The following GLI2 variants were observed in gnomAD, a reference collection of about 807,000 sequenced individuals.
The protein encoded by GLI2 is GLI family zinc finger 2.
Under a neutral mutation model 78.9 loss-of-function variants are expected in GLI2, and 22 were observed. The ratio of observed to expected loss-of-function variants is 0.28; its 90% confidence interval spans 0.20 to 0.40. GLI2 has a LOEUF of 0.40. Ranked by LOEUF, GLI2 falls within the 10% of genes least tolerant of loss-of-function variation. The pLI, the probability that GLI2 is intolerant of heterozygous loss-of-function variation, is 1.00. For synonymous variants in GLI2, 974 were observed against 963.7 expected (o/e 1.01, Z -0.20); for missense variants, 2,097 against 2,213.2 (o/e 0.95, Z 1.05).
rs533950098 is a variant in GLI2, at chr2:120,896,090, A to G, written c.149-31271A>G. ...GTTGTGATTCATCAAGCCAACAGTT[A>G]GAACTGTCATAGTTTTCCTGTCCCT... is the stretch of plus-strand genomic sequence containing the variant. On this transcript the variant is annotated intron_variant, in intron 2 of 13. Coordinates refer to ENST00000361492, the MANE Select transcript of GLI2 (RefSeq NM_001374353.1). Among the ~76,000 whole-genome samples, 7 of 152,362 alleles carry G rather than the reference A, an allele frequency of 4.6e-5. No individual in the cohort carries two copies. The East Asian group carries it at 1.3e-3, about 29-fold the overall frequency.
chr2:120,934,131 G>A (rs983179773), intron 3 of GLI2, among the ~76,000 whole-genome samples: 2 of 152,170 alleles, frequency 1.3e-5, no homozygotes, highest in African/African-American at 2.4e-5. Context: ...TGCAGGCGCC[G>A]CTGCTTGCTT....
At chr2:120,819,014 C>T (rs59379991) in intron 2 of GLI2, among the ~76,000 whole-genome samples, 4 of 151,982 alleles carry the variant, frequency 2.6e-5, no homozygotes, top group Non-Finnish European at 4.4e-5. Context: ...AGAATCCAGA[C>T]GCACTGAATA....
intron 1 of GLI2, among the ~76,000 whole-genome samples, chr2:120,790,128 C>T (rs948302513): frequency 2.6e-5 from 4 of 152,172 alleles, no homozygotes; most frequent in African/African-American, 4.8e-5. Context: ...TTCGGAAGAG[C>T]GATTTCTTTT....
intron 5 of GLI2, among the ~76,000 whole-genome samples, chr2:120,967,726 C>T (rs551736327): frequency 4.6e-5 from 7 of 152,352 alleles, no homozygotes; most frequent in African/African-American, 1.4e-4. Flanking sequence ...TGTGCACCTG[C>T]GTACATGTGT....
chr2:120,792,862 C>T (rs1465352136), intron 1 of GLI2, among the ~76,000 whole-genome samples: 1 of 152,208 alleles, frequency 6.6e-6, no homozygotes, highest in Non-Finnish European at 1.5e-5. Context: ...ACCTCATGAT[C>T]CGCCTGCCTC....
rs1459195036 is a variant in GLI2, at chr2:120,788,577, A to AG, written c.-30-8710dup. On this transcript the variant is annotated intron_variant, in intron 1 of 13. Transcript: ENST00000361492. ...CTTATCGGAGGCTGGCTGCCCCTGG[A>AG]GGGGCCTGCATTTCCCATTGGGGCC... 2.6e-5 allele frequency among the ~76,000 whole-genome samples: 4 copies of AG among 152,300 alleles called. No individual in the cohort carries two copies. In the East Asian group the frequency reaches 7.7e-4, roughly 29 times the overall value.
intron 2 of GLI2, among the ~76,000 whole-genome samples, chr2:120,858,443 G>A (rs1437065064): frequency 6.6e-6 from 1 of 152,216 alleles, no homozygotes; most frequent in Non-Finnish European, 1.5e-5. Context: ...GCTTGGCTCT[G>A]GGTCAGGGCC....
intron 1 of GLI2, among the ~76,000 whole-genome samples, chr2:120,785,946 G>A (rs1683984721): frequency 6.6e-6 from 1 of 152,186 alleles, no homozygotes; most frequent in Non-Finnish European, 1.5e-5. Context: ...ACTGCTTGGG[G>A]GCTGAGCTGC....
At chr2:120,861,460 G>A (rs536390578) in intron 2 of GLI2, among the ~76,000 whole-genome samples, 67 of 152,200 alleles carry the variant, frequency 4.4e-4, no homozygotes, top group Non-Finnish European at 9.1e-4. Context: ...TCCTGGGCCT[G>A]TGGCTGGAGT....
Position 120,990,857 on chromosome 2 carries a change from T to C in GLI2, c.*182T>C. ...GTTTATGGGCATCCTCTCTGGTCTTTTGGATTATTCCTCAGAACAATGAAA... is the reference window on the plus strand; with the variant it reads ...GTTTATGGGCATCCTCTCTGGTCTTCTGGATTATTCCTCAGAACAATGAAA... On this transcript the variant is annotated 3_prime_UTR_variant, in exon 14 of 14. Coordinates refer to ENST00000361492, the MANE Select transcript of GLI2 (RefSeq NM_001374353.1). 1 of 598,660 alleles carries C rather than the reference T, an allele frequency of 1.7e-6. No individual in the cohort carries two copies. Among genetic ancestry groups the C allele is most frequent in the African/African-American group, 1.9e-5 (1 of 54,006 alleles). 37.1% of individuals were successfully genotyped at this position (598,660 alleles called of 1,614,324 possible).
At chr2:120,905,704 C>T (rs916021478) in intron 2 of GLI2, among the ~76,000 whole-genome samples, 4 of 152,210 alleles carry the variant, frequency 2.6e-5, no homozygotes, top group African/African-American at 9.6e-5. Flanking sequence ...ATCTGGAGGG[C>T]CCTTCAGCAG....
rs1683251373 is a variant in GLI2, at chr2:120,990,539, C to T, written c.4574C>T (p.Ser1525Phe). The change falls in exon 14 of 14, where the codon TCC becomes TTC. Residue 1525 changes from serine (S) to phenylalanine (F), a missense_variant. Physicochemically the swap from Ser to Phe is radical, Grantham distance 155. Around this residue, in one of 5 missense-constraint regions of GLI2, gnomAD observed 1,290 missense variants for 1,261.7 expected, o/e 1.02. Coordinates refer to ENST00000361492, the MANE Select transcript of GLI2 (RefSeq NM_001374353.1). ...SLLHSLSQNSSRLTTPRNSLT... is the reference protein window; with the variant it reads ...SLLHSLSQNSFRLTTPRNSLT... ...CTCCACAGCCTCTCCCAGAACTCCT[C>T]CCGCCTCACCACCCCCCGAAACTCC... The T allele has an allele frequency of 4.3e-6, 7 of 1,614,008 alleles. No homozygotes were observed. The highest frequency in any genetic ancestry group is 5.9e-6 in the Non-Finnish European group (7 of 1,180,040).
rs185866020 is a variant in GLI2 at position 120,957,334 on chromosome 2, G to A, written c.643+1904G>A. Among the ~76,000 whole-genome samples the A allele has an allele frequency of 6.0e-4, 92 of 152,270 alleles. No individual in the cohort carries two copies. The East Asian group carries it at 0.015, about 25-fold the overall frequency. Reference sequence around the variant, plus strand: ...CCTGTCAGCTCTGTAGGACATTGACGTCCCTCTGAGTACACACACATCCAT... The same window carrying A: ...CCTGTCAGCTCTGTAGGACATTGACATCCCTCTGAGTACACACACATCCAT... On this transcript the variant is annotated intron_variant, in intron 5 of 13. Coordinates refer to ENST00000361492, the MANE Select transcript of GLI2 (RefSeq NM_001374353.1).
chr2:120,773,564 T>G (rs1683585881), intron 1 of GLI2, among the ~76,000 whole-genome samples: 1 of 152,074 alleles, frequency 6.6e-6, no homozygotes, highest in Non-Finnish European at 1.5e-5. Context: ...GGCTGGGCAT[T>G]GGTTGGTGCT....
At chr2:120,924,086 C>G (rs570620413) in intron 2 of GLI2, among the ~76,000 whole-genome samples, 1 of 152,328 alleles carries the variant, frequency 6.6e-6, no homozygotes, top group African/African-American at 2.4e-5. Flanking sequence ...GGAGACCCCC[C>G]CTCAGCCTCT....
At chr2:120,798,558 T>C (rs1383450441) in intron 2 of GLI2, among the ~76,000 whole-genome samples, 1 of 152,102 alleles carries the variant, frequency 6.6e-6, no homozygotes, top group Non-Finnish European at 1.5e-5. Flanking sequence ...GGGAGGTCAT[T>C]ATTGGGATGT....
In GLI2 at chr2:120,843,900, C is replaced by G. The variant is rs536643706; in HGVS notation, c.148+46432C>G. ...TAGGCTGGTCTCGAACTCCTGACCT[C>G]AAGTGATCCGCCCACCTCAGCCTCC... On this transcript the variant is annotated intron_variant, in intron 2 of 13. Coordinates refer to ENST00000361492, the MANE Select transcript of GLI2 (RefSeq NM_001374353.1). Among the ~76,000 whole-genome samples, 6 of 152,298 alleles carry G rather than the reference C, an allele frequency of 3.9e-5. No homozygotes were observed. In the South Asian group the frequency reaches 6.2e-4, roughly 16 times the overall value.
chr2:120,977,078 G>A (rs539886708), intron 9 of GLI2, among the ~76,000 whole-genome samples: 3 of 152,200 alleles, frequency 2.0e-5, no homozygotes, highest in Admixed American at 6.5e-5. Flanking sequence ...GCATCTGTAC[G>A]CGTGACAGTT....
chr2:120,821,681 A>T (rs557639135), intron 2 of GLI2, among the ~76,000 whole-genome samples: 16 of 152,200 alleles, frequency 1.1e-4, no homozygotes, highest in Non-Finnish European at 2.4e-4. Context: ...GTGCCTGTGC[A>T]TAGACTTGGG....
Sources: allele counts gnomAD v4.1 joint callset (sites outside exome capture counted in the v4.1 genomes callset), GRCh38; gene constraint gnomAD v4.1.1; regional missense constraint gnomAD v4.1.1; transcripts MANE v1.5; gene names NCBI Gene and HGNC (gene_info 2026-07-23, HGNC 2026-07-21).